RBFOX1: variants seen among roughly 807,000 people sequenced by gnomAD.
RBFOX1 encodes the protein RNA binding protein fox-1 homolog 1.
Under a neutral mutation model 57.7 loss-of-function variants are expected in RBFOX1, and 8 were observed. That is an observed-to-expected ratio of 0.14 (90% CI 0.08 to 0.25). The LOEUF (loss-of-function observed/expected upper bound fraction) is 0.25. Ranked by LOEUF, RBFOX1 falls within the 10% of genes least tolerant of loss-of-function variation. The probability of loss-of-function intolerance (pLI) is 1.00; values close to 1 mark genes in which losing one functional copy is unlikely to be tolerated. For synonymous variants in RBFOX1, 326 were observed against 222.4 expected, an observed-to-expected ratio of 1.47 and a Z score of -4.15; for missense variants, 611 against 548.5, an observed-to-expected ratio of 1.11 and a Z score of -1.14.
At chr16:6,417,071 G>C (rs1037221468) in intron 2 of RBFOX1, among the ~76,000 whole-genome samples, 3 of 151,982 alleles carry the variant, frequency 2.0e-5, no homozygotes, top group Non-Finnish European at 4.4e-5. Context: ...AAGTACAATG[G>C]TGCAGTCTTG....
intron 3 of RBFOX1, among the ~76,000 whole-genome samples, chr16:5,811,810 T>C (rs925977331): frequency 2.6e-5 from 4 of 152,308 alleles, no homozygotes; most frequent in South Asian, 4.1e-4. Flanking sequence ...ATTCACCTAT[T>C]GTTTCTATGA....
In RBFOX1 at chr16:7,406,110, G is replaced by T. The variant is rs536615214; in HGVS notation, c.28-112037G>T. Among the ~76,000 whole-genome samples, 4 of 152,234 alleles carry T rather than the reference G, an allele frequency of 2.6e-5. No individual in the cohort carries two copies. The East Asian group carries it at 7.7e-4, about 29-fold the overall frequency. On this transcript the variant is annotated intron_variant, in intron 4 of 15. Coordinates refer to ENST00000550418, the MANE Select transcript of RBFOX1 (RefSeq NM_018723.4). ...CATTCTGGAGGTGAAGGCTTTCTTG[G>T]CAAGATACCCGCATTGCCCAAAACA... is the stretch of plus-strand genomic sequence containing the variant.
intron 2 of RBFOX1, among the ~76,000 whole-genome samples, chr16:6,549,157 G>A (rs1408648922): frequency 3.5e-4 from 8 of 23,184 alleles, no homozygotes; most frequent in East Asian, 6.8e-4. Context: ...AAGGAGGAGG[G>A]GGGGGGAAGG....
At chr16:7,148,752 G>A (rs187786994) in intron 4 of RBFOX1, among the ~76,000 whole-genome samples, 1 of 152,162 alleles carries the variant, frequency 6.6e-6, no homozygotes, top group Non-Finnish European at 1.5e-5. Context: ...ACCCGAAGAG[G>A]CCTGGGAGGC....
intron 4 of RBFOX1, among the ~76,000 whole-genome samples, chr16:5,987,134 A>C (rs888043135): frequency 2.6e-5 from 4 of 152,188 alleles, no homozygotes; most frequent in Non-Finnish European, 5.9e-5. Flanking sequence ...ATGATGTCGA[A>C]TACGTTCTTA....
At chr16:7,614,692 A>T (rs1020711960) in intron 10 of RBFOX1, 4 of 152,196 alleles carry the variant, frequency 2.6e-5, no homozygotes, top group African/African-American at 9.6e-5. Context: ...TCACAGGGGA[A>T]GTTTTAAGTT....
intron 3 of RBFOX1, among the ~76,000 whole-genome samples, chr16:6,791,141 A>T (rs1486720267): frequency 6.6e-6 from 1 of 151,992 alleles, no homozygotes; most frequent in Admixed American, 6.5e-5. Flanking sequence ...TCCTGACCTC[A>T]AGAGATCCTC....
chr16:6,055,736 C>G (rs917320112), intron 1 of RBFOX1, among the ~76,000 whole-genome samples: 4 of 151,960 alleles, frequency 2.6e-5, no homozygotes, highest in Non-Finnish European at 5.9e-5. Flanking sequence ...GGAGCGATCA[C>G]CCAGCACAAA....
intron 3 of RBFOX1, among the ~76,000 whole-genome samples, chr16:6,699,788 C>T (rs1207331291): frequency 1.3e-5 from 2 of 152,100 alleles, no homozygotes; most frequent in African/African-American, 2.4e-5. Context: ...GACATGAACA[C>T]ATGCAGGCAC....
chr16:6,810,618 G>GA (rs1443610792), intron 3 of RBFOX1, among the ~76,000 whole-genome samples: 1 of 152,036 alleles, frequency 6.6e-6, no homozygotes, highest in Non-Finnish European at 1.5e-5. Context: ...ACTTCCTGGA[G>GA]ACTGGGTATT....
chr16:6,955,074 A>G (rs1011312133), intron 3 of RBFOX1, among the ~76,000 whole-genome samples: 1 of 124,056 alleles, frequency 8.1e-6, no homozygotes, highest in African/African-American at 2.9e-5. Flanking sequence ...CTACAAAAAA[A>G]AAAAAACACA....
intron 2 of RBFOX1, among the ~76,000 whole-genome samples, chr16:5,506,676 C>A (rs1052714948): frequency 6.6e-6 from 1 of 152,022 alleles, no homozygotes; most frequent in Admixed American, 6.6e-5. Context: ...CTGGAGATGA[C>A]GCCACAGAGA....
intron 4 of RBFOX1, among the ~76,000 whole-genome samples, chr16:7,499,262 T>C (rs1005939684): frequency 6.6e-6 from 1 of 152,180 alleles, no homozygotes; most frequent in African/African-American, 2.4e-5. Flanking sequence ...CCTTGAGTTG[T>C]AGAAGCATCA....
At chr16:5,565,851 G>T (rs2046048835) in intron 2 of RBFOX1, among the ~76,000 whole-genome samples, 1 of 151,896 alleles carries the variant, frequency 6.6e-6, no homozygotes, top group Non-Finnish European at 1.5e-5. Context: ...ATATGGTTTG[G>T]CTGCGTCCCT....
intron 2 of RBFOX1, among the ~76,000 whole-genome samples, chr16:5,467,740 T>C (rs2068997789): frequency 6.6e-6 from 1 of 152,240 alleles, no homozygotes; most frequent in South Asian, 2.1e-4. Flanking sequence ...TTATTGTTGC[T>C]TGATAAGGAA....
At chr16:6,378,859 A>G (rs545635023) in intron 2 of RBFOX1, among the ~76,000 whole-genome samples, 1 of 152,268 alleles carries the variant, frequency 6.6e-6, no homozygotes, top group South Asian at 2.1e-4. Flanking sequence ...AGTGTGCAAA[A>G]CGGATTGCAG....
At chr16:5,336,371 A>C (rs1184174686) in intron 1 of RBFOX1, among the ~76,000 whole-genome samples, 1 of 152,064 alleles carries the variant, frequency 6.6e-6, no homozygotes, top group Non-Finnish European at 1.5e-5. Context: ...GCAAGCTGGC[A>C]CCCCTCTCTG....
chr16:7,601,646 C>T (rs183127014), intron 9 of RBFOX1, among the ~76,000 whole-genome samples: 101 of 152,234 alleles, frequency 6.6e-4, no homozygotes, highest in Non-Finnish European at 1.8e-4. Flanking sequence ...ACCACCACCA[C>T]GAATTAACAA....
chr16:5,523,938 C>T (rs780905969), intron 2 of RBFOX1, among the ~76,000 whole-genome samples: 28 of 152,076 alleles, frequency 1.8e-4, no homozygotes, highest in Non-Finnish European at 2.9e-4. Flanking sequence ...AGCGCCCCTC[C>T]GCACCCTCCC....
Sources: gnomAD v4.1 joint callset for allele counts (sites outside exome capture counted in the v4.1 genomes callset) on GRCh38, gnomAD v4.1.1 for gene constraint, MANE v1.5 for transcripts, NCBI Gene and HGNC (gene_info 2026-07-23, HGNC 2026-07-21) for gene names.